Variants in CLSTN3 observed in about 807,000 individuals in gnomAD.
The protein encoded by CLSTN3 is calsyntenin-3.
Under a neutral mutation model 95.9 loss-of-function variants are expected in CLSTN3, and 36 were observed. That is an observed-to-expected ratio of 0.38 (90% CI 0.29 to 0.50). CLSTN3 has a LOEUF of 0.50. Ranked by LOEUF, CLSTN3 falls within the 20% of genes least tolerant of loss-of-function variation. CLSTN3 has a pLI of 0.95. For missense variants in CLSTN3, 1,084 were observed against 1,268.8 expected, an observed-to-expected ratio of 0.85 and a Z score of 2.21; for synonymous variants, 481 against 504.0, an observed-to-expected ratio of 0.95 and a Z score of 0.61.
Position 7,150,561 on chromosome 12 carries a change from G to C in CLSTN3, c.2263G>C (p.Val755Leu), listed in dbSNP as rs1939706416. Residue 755 changes from valine to leucine, a missense_variant, in exon 15 of 18, where the codon GTG (valine) becomes CTG (leucine). Transcript: ENST00000266546. The surrounding 1 kb of genome is among the most constrained non-coding windows in gnomAD (Gnocchi z 4.0). ...LTIAGVESIT[V>L]YEEILRQARY... ...ATCTCCAGGGGTGGAGAGCATCACT[G>C]TGTATGAAGAGATCCTGAGGCAGGC... 1.2e-6 allele frequency: 2 copies of C among 1,613,568 alleles called. No individual in the cohort carries two copies. The highest frequency in any genetic ancestry group is 1.7e-6 in the Non-Finnish European group (2 of 1,179,730).
At position 7,139,814 on chromosome 12, in the gene CLSTN3, A is replaced by G. The variant is rs572384743; in HGVS notation, c.1324-1428A>G. On this transcript the variant is annotated intron_variant, in intron 8 of 17. Transcript: ENST00000266546. ...CAGGCGTGTGCCACCACGCCCAGCT[A>G]ATTTTTGTATTTTTAGTAGAGATGG... Among the ~76,000 whole-genome samples, 126 of 152,066 alleles carry G rather than the reference A, an allele frequency of 8.3e-4. 1 individual carries two copies. The highest frequency in any genetic ancestry group is 6.8e-3 in the Middle Eastern group (2 of 294).
At chr12:7,142,214 C>A (rs920771024) in intron 10 of CLSTN3, 75 bp downstream of exon 10, 4 of 1,311,920 alleles carry the variant, frequency 3.0e-6, no homozygotes, top group African/African-American at 1.5e-5. Flanking sequence ...TTTTCCACCC[C>A]AAATCCTATC....
chr12:7,130,007 GA>G (rs1455021629), upstream of CLSTN3: 1 of 184,778 alleles, frequency 5.4e-6, no homozygotes, highest in Non-Finnish European at 9.8e-6. Flanking sequence ...CGGATCTGTG[GA>G]TGGAAGGGGC....
At chr12:7,142,036 C>G in intron 9 of CLSTN3, 50 bp from the exon 10 acceptor site, 1 of 1,423,854 alleles carries the variant, frequency 7.0e-7, no homozygotes, top group Non-Finnish European at 9.6e-7. Context: ...GTCAATCTCT[C>G]CACATCCCTG....
intron 12 of CLSTN3, among the ~76,000 whole-genome samples, chr12:7,145,548 A>G (rs1271986161): frequency 1.3e-5 from 2 of 150,888 alleles, no homozygotes; most frequent in African/African-American, 2.4e-5. Flanking sequence ...GCCTAAATGC[A>G]AGTTTTCCTG....
chr12:7,137,810 GA>G lies in CLSTN3; in HGVS notation c.1211-144del. ...TGTGTGTGTGTGAGAGAGAGAGAGA[GA>G]GAGAGAGAGAGGAAAGAAAAATGCT... On this transcript the variant is annotated intron_variant, in intron 7 of 17. Coordinates refer to ENST00000266546, the MANE Select transcript of CLSTN3 (RefSeq NM_014718.4). This position sits in a 1 kb window ranked among gnomAD's most constrained non-coding sequence, Gnocchi z 4.4. 1 of 570,200 alleles carries G rather than the reference GA, an allele frequency of 1.8e-6. No individual in the cohort carries two copies. The highest frequency in any genetic ancestry group is 3.2e-6 in the Non-Finnish European group (1 of 313,926). The allele number at this position is 570,200 out of a possible 1,614,324, so 35.3% of individuals were successfully genotyped here. A position where few individuals can be genotyped will look rare whatever the true frequency, so the allele number is the denominator to read the frequency against.
chr12:7,130,610 G>A lies in CLSTN3; in HGVS notation c.-39G>A. Reference sequence around the variant, plus strand: ...ATCCGCAGGCTGGAGGCTCCCAGGGGAGGCAAACGCCTGGCCCTGCCCTGC... The same window carrying A: ...ATCCGCAGGCTGGAGGCTCCCAGGGAAGGCAAACGCCTGGCCCTGCCCTGC... On this transcript the variant is annotated 5_prime_UTR_variant, in exon 1 of 18. Transcript: ENST00000266546. 1.3e-6 allele frequency: 2 copies of A among 1,552,632 alleles called. No homozygotes were observed. Among genetic ancestry groups the A allele is most frequent in the Non-Finnish European group, 1.7e-6 (2 of 1,148,178 alleles).
rs758338689 is a variant in CLSTN3 at position 7,155,444 on chromosome 12, C to T, written c.2528-2045C>T. Among the ~76,000 whole-genome samples, 6 of 152,300 alleles carry T rather than the reference C, an allele frequency of 3.9e-5. No homozygotes were observed. In the East Asian group the frequency reaches 1.2e-3, roughly 29 times the overall value. On this transcript the variant is annotated intron_variant, in intron 16 of 17. Transcript: ENST00000266546. ...ACACTGCATTGATTAGGGCGCAAAC[C>T]AGCTTTAGCTCGTCATCGTTGTGTG...
chr12:7,149,297 C>T lies in CLSTN3; in HGVS notation c.2074+99C>T. On this transcript the variant is annotated intron_variant, in intron 13 of 17. Transcript: ENST00000266546. This position sits in a 1 kb window ranked among gnomAD's most constrained non-coding sequence, Gnocchi z 4.5. ...CTGGGGCTGGAAGCAGAAAGCGACTCCATCCTGTGTTTGTTTGACTGAACA... is the reference window on the plus strand; with the variant it reads ...CTGGGGCTGGAAGCAGAAAGCGACTTCATCCTGTGTTTGTTTGACTGAACA... 1 of 1,102,230 alleles carries T rather than the reference C, an allele frequency of 9.1e-7. No homozygotes were observed. The highest frequency in any genetic ancestry group is 1.3e-6 in the Non-Finnish European group (1 of 747,312). 68.3% of individuals were successfully genotyped at this position (1,102,230 alleles called of 1,614,324 possible).
At chr12:7,131,744 C>T in intron 1 of CLSTN3, 1 of 455,156 alleles carries the variant, frequency 2.2e-6, no homozygotes, top group South Asian at 1.6e-5. Context: ...ACCTCAGCCT[C>T]GCCTCCTAGC....
chr12:7,133,181 G>T lies in CLSTN3; in HGVS notation c.187+35G>T. The T allele has an allele frequency of 6.5e-7, 1 of 1,541,816 alleles. No individual in the cohort carries two copies. The highest frequency in any genetic ancestry group is 8.8e-7 in the Non-Finnish European group (1 of 1,135,494). ...ATTGGGGGATGGCAAGGCAGGGTAG[G>T]ACAGAGAAAAGTGGGTGGGAGGGCC... is the stretch of plus-strand genomic sequence containing the variant. On this transcript the variant is annotated intron_variant, in intron 2 of 17. Transcript: ENST00000266546. The surrounding 1 kb of genome is among the most constrained non-coding windows in gnomAD (Gnocchi z 4.7).
Position 7,149,343 on chromosome 12 carries a change from G to T in CLSTN3, c.2074+145G>T. 1.1e-6 allele frequency: 1 copy of T among 928,832 alleles called. No individual in the cohort carries two copies. The allele number at this position is 928,832 out of a possible 1,614,324, so 57.5% of individuals were successfully genotyped here. A position where few individuals can be genotyped will look rare whatever the true frequency, so the allele number is the denominator to read the frequency against. ...GAACAACTTACCTTTAAGAAGGAGAGCAAGTGGAAAACACGTGGGTGGAAA... is the reference window on the plus strand; with the variant it reads ...GAACAACTTACCTTTAAGAAGGAGATCAAGTGGAAAACACGTGGGTGGAAA... On this transcript the variant is annotated intron_variant, in intron 13 of 17. Transcript: ENST00000266546. This position sits in a 1 kb window ranked among gnomAD's most constrained non-coding sequence, Gnocchi z 4.5.
rs1389670614 is a variant in CLSTN3 at position 7,150,323 on chromosome 12, G to A, written c.2246-221G>A. Among the ~76,000 whole-genome samples the A allele has an allele frequency of 6.6e-6, 1 of 152,182 alleles. No homozygotes were observed. The highest frequency in any genetic ancestry group is 2.4e-5 in the African/African-American group (1 of 41,438). ...TTTCCATTCCTCCTCAGAACCTACAGAGCAGGAAATGGAGCCTTGATCTCT... is the reference window on the plus strand; with the variant it reads ...TTTCCATTCCTCCTCAGAACCTACAAAGCAGGAAATGGAGCCTTGATCTCT... On this transcript the variant is annotated intron_variant, in intron 14 of 17. Transcript: ENST00000266546. This position sits in a 1 kb window ranked among gnomAD's most constrained non-coding sequence, Gnocchi z 4.0.
In CLSTN3 at chr12:7,136,368, A is replaced by G; in HGVS notation, c.905A>G (p.Glu302Gly). ...GGCTGTGACCGTGACAACTACTCAG[A>G]GCGGGCGCTGCGGAAACTCTGTGGT... Reference protein sequence around the residue: ...AKGCDRDNYSERALRKLCGAA... With the variant: ...AKGCDRDNYSGRALRKLCGAA... Residue 302 changes from glutamate to glycine, a missense_variant, in exon 6 of 18, where the codon GAG (glutamate) becomes GGG (glycine). Transcript: ENST00000266546. 6.2e-7 allele frequency: 1 copy of G among 1,613,290 alleles called. No individual in the cohort carries two copies. The highest frequency in any genetic ancestry group is 1.1e-5 in the South Asian group (1 of 90,972).
chr12:7,131,561 G>T (rs1939301673), intron 1 of CLSTN3, among the ~76,000 whole-genome samples: 1 of 152,136 alleles, frequency 6.6e-6, no homozygotes, highest in Admixed American at 6.5e-5. Flanking sequence ...AGTCAAGGAG[G>T]AGCCCGGGAG....
At position 7,157,868 on chromosome 12, in the gene CLSTN3, T is replaced by C. The variant is rs1029347911; in HGVS notation, c.2731-73T>C. On this transcript the variant is annotated intron_variant, in intron 17 of 17. Transcript: ENST00000266546. This position sits in a 1 kb window ranked among gnomAD's most constrained non-coding sequence, Gnocchi z 5.9. ...CAGGGGTTAAGGGGACCGAGGGAAG[T>C]GTGGTCCCTGAAAGAGAGGCTGGGA... The C allele has an allele frequency of 1.3e-6, 2 of 1,534,074 alleles. No individual in the cohort carries two copies. The highest frequency in any genetic ancestry group is 1.8e-6 in the Non-Finnish European group (2 of 1,140,390).
In CLSTN3 at chr12:7,149,662, C is replaced by T. The variant is rs1407259781; in HGVS notation, c.2214C>T (p.Leu738=). Reference sequence around the variant, plus strand: ...CTCTGCAGCAGCGGGGGCTGGAGCTCACCAACACATCTGCCTACCTCACTA... The same window carrying T: ...CTCTGCAGCAGCGGGGGCTGGAGCTTACCAACACATCTGCCTACCTCACTA... ...TTSLQQRGLE[L]TNTSAYLTIA... The change falls in exon 14 of 18, where the codon CTC becomes CTT. Residue 738 remains leucine, a synonymous_variant. Coordinates refer to ENST00000266546, the MANE Select transcript of CLSTN3 (RefSeq NM_014718.4). The surrounding 1 kb of genome is among the most constrained non-coding windows in gnomAD (Gnocchi z 4.5). 3.1e-6 allele frequency: 5 copies of T among 1,614,086 alleles called. No individual in the cohort carries two copies. The highest frequency in any genetic ancestry group is 4.2e-6 in the Non-Finnish European group (5 of 1,179,962).
rs2135806186 is a variant in CLSTN3, at chr12:7,143,832, C to T, written c.1847+521C>T. Among the ~76,000 whole-genome samples, 3 of 152,314 alleles carry T rather than the reference C, an allele frequency of 2.0e-5. No homozygotes were observed. In the South Asian group the frequency reaches 6.2e-4, roughly 32 times the overall value. ...AGTTTTATTGGAACACAGCAGTGCC[C>T]ATTCATTGCATATGTCTATGGCTAC... On this transcript the variant is annotated intron_variant, in intron 12 of 17. Transcript: ENST00000266546.
chr12:7,143,778 G>GC (rs1201771561), intron 12 of CLSTN3, among the ~76,000 whole-genome samples: 4 of 152,194 alleles, frequency 2.6e-5, no homozygotes, highest in Non-Finnish European at 4.4e-5. Flanking sequence ...GCAGTCCTAG[G>GC]CCAAATCTGG....
Sources: allele counts gnomAD v4.1 joint callset (sites outside exome capture counted in the v4.1 genomes callset), GRCh38; gene constraint gnomAD v4.1.1; non-coding constraint Gnocchi (gnomAD v3.1); transcripts MANE v1.5; gene names NCBI Gene and HGNC (gene_info 2026-07-23, HGNC 2026-07-21).